EEIG1: variants seen among roughly 807,000 people sequenced by gnomAD.
EEIG1 encodes estrogen-induced osteoclastogenesis regulator 1.
chr9:127,968,743 G>A, the EEIG1 span, among the ~76,000 whole-genome samples: 3 of 152,086 alleles, frequency 2.0e-5, no homozygotes, highest in African/African-American at 7.2e-5. Flanking sequence ...GAATCGCTCC[G>A]CCAAAGTCAC....
chr9:127,974,061 T>G, the EEIG1 span, among the ~76,000 whole-genome samples: 4 of 152,148 alleles, frequency 2.6e-5, no homozygotes, highest in Non-Finnish European at 4.4e-5. Context: ...CTGGCTACAT[T>G]TGGCCACTGT....
the EEIG1 span, chr9:127,945,463 G>A: frequency 1.3e-6 from 2 of 1,563,528 alleles, no homozygotes; most frequent in Non-Finnish European, 1.7e-6. The surrounding 1 kb of genome is among the most constrained non-coding windows in gnomAD (Gnocchi z 6.5). Context: ...GCCCTCCACG[G>A]TCATGCCAAG....
the EEIG1 span, among the ~76,000 whole-genome samples, chr9:127,976,481 T>C: frequency 6.6e-6 from 1 of 152,262 alleles, no homozygotes. This position sits in a 1 kb window ranked among gnomAD's most constrained non-coding sequence, Gnocchi z 4.1. Context: ...GGGTGACCTC[T>C]GGCACTCACC....
the EEIG1 span, chr9:127,944,588 G>T: frequency 8.7e-7 from 1 of 1,146,486 alleles, no homozygotes; most frequent in Non-Finnish European, 1.3e-6. Flanking sequence ...CAGCCGCCCC[G>T]ACGACCCCTC....
the EEIG1 span, among the ~76,000 whole-genome samples, chr9:127,947,611 T>C: frequency 1.3e-5 from 2 of 151,786 alleles, no homozygotes; most frequent in African/African-American, 2.4e-5. Flanking sequence ...AGTCATAGAG[T>C]ATGTGGGAGA....
chr9:127,960,847 C>T, the EEIG1 span, among the ~76,000 whole-genome samples: 1 of 152,134 alleles, frequency 6.6e-6, no homozygotes, highest in African/African-American at 2.4e-5. Context: ...ACAGGAAGAG[C>T]TCACAGGGTC....
the EEIG1 span, among the ~76,000 whole-genome samples, chr9:127,949,057 T>C: frequency 1.3e-5 from 2 of 152,066 alleles, no homozygotes; most frequent in South Asian, 2.1e-4. Context: ...GGCTCACGCC[T>C]GTAATCCCAG....
the EEIG1 span, chr9:127,944,764 C>T: frequency 6.2e-7 from 1 of 1,611,730 alleles, no homozygotes; most frequent in East Asian, 2.2e-5. Flanking sequence ...CCCACCAGCC[C>T]AGCACGGCTC....
chr9:127,965,917 C>T, the EEIG1 span, among the ~76,000 whole-genome samples: 4 of 152,202 alleles, frequency 2.6e-5, no homozygotes, highest in Non-Finnish European at 4.4e-5. Flanking sequence ...GCCAGGACCT[C>T]CTCCTGCAAG....
chr9:127,948,342 C>T, the EEIG1 span: 20 of 1,613,824 alleles, frequency 1.2e-5, no homozygotes, highest in Non-Finnish European at 1.7e-5. Flanking sequence ...CTCCCATCCG[C>T]TCCCTAGGCC....
At chr9:127,979,659 A>G in the EEIG1 span, among the ~76,000 whole-genome samples, 1 of 152,326 alleles carries the variant, frequency 6.6e-6, no homozygotes, top group South Asian at 2.1e-4. Flanking sequence ...TTCGGGTGCA[A>G]GGTGGCCTGA....
chr9:127,963,624 C>T, the EEIG1 span: 1 of 152,436 alleles, frequency 6.6e-6, no homozygotes, highest in South Asian at 2.1e-4. Context: ...CAGAACTCTC[C>T]AGGAGCTCTC....
At chr9:127,961,114 G>A in the EEIG1 span, among the ~76,000 whole-genome samples, 4 of 152,200 alleles carry the variant, frequency 2.6e-5, no homozygotes, top group Admixed American at 1.3e-4. Context: ...GAAATGCTGC[G>A]TAACTCATCT....
the EEIG1 span, among the ~76,000 whole-genome samples, chr9:127,977,728 G>A: frequency 6.6e-6 from 1 of 152,228 alleles, no homozygotes; most frequent in Non-Finnish European, 1.5e-5. Context: ...GAAGTTCAGA[G>A]GCACAAAAGG....
chr9:127,962,651 C>T, the EEIG1 span, among the ~76,000 whole-genome samples: 2 of 152,192 alleles, frequency 1.3e-5, no homozygotes, highest in Non-Finnish European at 1.5e-5. Flanking sequence ...ACCAGAGGCA[C>T]AACCAGCTGC....
chr9:127,949,143 A>G, the EEIG1 span, among the ~76,000 whole-genome samples: 3 of 152,038 alleles, frequency 2.0e-5, no homozygotes, highest in South Asian at 2.1e-4. Flanking sequence ...GTGAAACCCC[A>G]TCTCTACTAA....
the EEIG1 span, among the ~76,000 whole-genome samples, chr9:127,948,751 C>T: frequency 2.6e-5 from 4 of 152,346 alleles, no homozygotes; most frequent in African/African-American, 9.6e-5. Flanking sequence ...AAGCCACACA[C>T]TCACCCCGGC....
chr9:127,957,034 G>C, the EEIG1 span, among the ~76,000 whole-genome samples: 1 of 152,160 alleles, frequency 6.6e-6, no homozygotes, highest in Non-Finnish European at 1.5e-5. Flanking sequence ...TTACAGGTGT[G>C]GTGGCTCATG....
chr9:127,947,281 A>T, the EEIG1 span, among the ~76,000 whole-genome samples: 2 of 151,300 alleles, frequency 1.3e-5, no homozygotes, highest in African/African-American at 4.9e-5. Context: ...AAAAAAAAAA[A>T]AAGGTATATC....
Sources: gnomAD v4.1 joint callset for allele counts (sites outside exome capture counted in the v4.1 genomes callset) on GRCh38, gnomAD v4.1.1 for gene constraint, Gnocchi (gnomAD v3.1) non-coding constraint, MANE v1.5 for transcripts, NCBI Gene and HGNC (gene_info 2026-07-23, HGNC 2026-07-21) for gene names.